CMTM7: variants seen among roughly 807,000 people sequenced by gnomAD.
CMTM7 encodes CKLF-like MARVEL transmembrane domain-containing protein 7.
Under a neutral mutation model 19.3 loss-of-function variants are expected in CMTM7, and 7 were observed. That is an observed-to-expected ratio of 0.36 (90% CI 0.21 to 0.68). CMTM7 has a LOEUF of 0.68. Ranked by LOEUF, CMTM7 falls within the 30% of genes least tolerant of loss-of-function variation. The pLI, the probability that CMTM7 is intolerant of heterozygous loss-of-function variation, is 0.60. For missense variants in CMTM7, 193 were observed against 232.6 expected (o/e 0.83, Z 1.11); for synonymous variants, 87 against 99.3 (o/e 0.88, Z 0.74).
intron 1 of CMTM7, among the ~76,000 whole-genome samples, chr3:32,393,867 T>C (rs1381095832): frequency 1.3e-5 from 2 of 152,024 alleles, no homozygotes; most frequent in East Asian, 3.9e-4. Context: ...TACTGGGAGA[T>C]GAGAAATCTC....
At chr3:32,404,588 C>A (rs762456972) in intron 1 of CMTM7, among the ~76,000 whole-genome samples, 2 of 152,210 alleles carry the variant, frequency 1.3e-5, no homozygotes, top group Non-Finnish European at 2.9e-5. Flanking sequence ...GTTGTGGAGC[C>A]AGCATTTGAA....
At chr3:32,435,352 G>A (rs113551169) in intron 1 of CMTM7, among the ~76,000 whole-genome samples, 4,934 of 152,254 alleles carry the variant, frequency 0.032, 121 homozygotes, top group Middle Eastern at 0.054. Context: ...TGCAGTGAGC[G>A]GAGCTTGTGC....
At chr3:32,428,650 TA>T (rs1332694512) in intron 1 of CMTM7, among the ~76,000 whole-genome samples, 3 of 152,238 alleles carry the variant, frequency 2.0e-5, no homozygotes, top group Non-Finnish European at 4.4e-5. Flanking sequence ...TCTGCTTACA[TA>T]ACATCTTTGT....
At chr3:32,398,421 C>A (rs1030790901) in intron 1 of CMTM7, among the ~76,000 whole-genome samples, 2 of 152,060 alleles carry the variant, frequency 1.3e-5, no homozygotes, top group African/African-American at 2.4e-5. Context: ...CTACTGTGAT[C>A]AGCTAACTAG....
intron 3 of CMTM7, chr3:32,451,982 C>A: frequency 2.3e-6 from 2 of 875,162 alleles, no homozygotes; most frequent in Non-Finnish European, 3.3e-6. Context: ...ATGCGAACAA[C>A]GCCACTACAC....
chr3:32,412,525 ACACACACACACACACT>A (rs1235009323), intron 1 of CMTM7, among the ~76,000 whole-genome samples: 5 of 72,938 alleles, frequency 6.9e-5, no homozygotes, highest in Non-Finnish European at 9.7e-5. Context: ...ACACACACAC[ACACACACACACACACT>A]GCATCATTAA....
At chr3:32,407,089 G>A (rs1336265859) in intron 1 of CMTM7, among the ~76,000 whole-genome samples, 2 of 152,204 alleles carry the variant, frequency 1.3e-5, no homozygotes, top group African/African-American at 4.8e-5. Flanking sequence ...GGGAGTCCCT[G>A]CTGGTATTCC....
In CMTM7 at chr3:32,454,679, C is replaced by T. The variant is rs926522747; in HGVS notation, c.*425C>T. 3.1e-5 allele frequency: 11 copies of T among 358,874 alleles called. No individual in the cohort carries two copies. Among genetic ancestry groups the T allele is most frequent in the African/African-American group, 1.1e-4 (5 of 46,942 alleles). 22.2% of individuals were successfully genotyped at this position (358,874 alleles called of 1,614,324 possible). ...TCCTAATTTATCTAGCTTGTCAGTCCGGTCTTAGAGATACCCTCTTTCCTG... is the reference window on the plus strand; with the variant it reads ...TCCTAATTTATCTAGCTTGTCAGTCTGGTCTTAGAGATACCCTCTTTCCTG... On this transcript the variant is annotated 3_prime_UTR_variant, in exon 5 of 5. Transcript: ENST00000334983.
intron 1 of CMTM7, among the ~76,000 whole-genome samples, chr3:32,435,669 A>T (rs1441570695): frequency 6.6e-6 from 1 of 152,198 alleles, no homozygotes; most frequent in Non-Finnish European, 1.5e-5. Flanking sequence ...GACCACCTAT[A>T]GGACAGCCAC....
At chr3:32,404,192 A>C in intron 1 of CMTM7, among the ~76,000 whole-genome samples, 3 of 119,454 alleles carry the variant, frequency 2.5e-5, no homozygotes, top group Admixed American at 1.0e-4. Flanking sequence ...ACAGAGTCTC[A>C]CTCTGTTGCC....
In CMTM7 at chr3:32,454,558, A is replaced by G. The variant is rs1207296758; in HGVS notation, c.*304A>G. 12 of 617,620 alleles carry G rather than the reference A, an allele frequency of 1.9e-5. No individual in the cohort carries two copies. The highest frequency in any genetic ancestry group is 3.6e-5 in the Non-Finnish European group (12 of 333,202). The allele number at this position is 617,620 out of a possible 1,614,324, so 38.3% of individuals were successfully genotyped here. On this transcript the variant is annotated 3_prime_UTR_variant, in exon 5 of 5. Transcript: ENST00000334983. ...ACCACCTCAGGTACTGATGAACCCC[A>G]CTTAGCACAGCTGAAGGGGTTTGTG...
At chr3:32,396,661 C>T (rs148351735) in intron 1 of CMTM7, among the ~76,000 whole-genome samples, 21 of 152,252 alleles carry the variant, frequency 1.4e-4, no homozygotes, top group African/African-American at 5.1e-4. Flanking sequence ...GGGCAAGGTG[C>T]TCTGCATGCA....
At chr3:32,405,526 C>G (rs181449515) in intron 1 of CMTM7, among the ~76,000 whole-genome samples, 1 of 152,334 alleles carries the variant, frequency 6.6e-6, no homozygotes, top group East Asian at 1.9e-4. Flanking sequence ...GCTCATTCAT[C>G]ATTACCATAT....
chr3:32,393,437 CA>C (rs1695869470), intron 1 of CMTM7, among the ~76,000 whole-genome samples: 1 of 152,166 alleles, frequency 6.6e-6, no homozygotes, highest in Admixed American at 6.5e-5. Context: ...TGGGGTGAGA[CA>C]TATCCTACCT....
chr3:32,429,285 T>A (rs1314141719), intron 1 of CMTM7, among the ~76,000 whole-genome samples: 1 of 145,976 alleles, frequency 6.9e-6, no homozygotes, highest in African/African-American at 2.5e-5. Context: ...TCTAAGCTTA[T>A]TGAGTAGTGT....
chr3:32,396,009 A>G (rs1030378801), intron 1 of CMTM7, among the ~76,000 whole-genome samples: 2 of 152,186 alleles, frequency 1.3e-5, no homozygotes, highest in African/African-American at 4.8e-5. Flanking sequence ...AACCATGAAA[A>G]CACTAAGCTG....
chr3:32,393,619 C>T (rs1695872314), intron 1 of CMTM7, among the ~76,000 whole-genome samples: 1 of 151,988 alleles, frequency 6.6e-6, no homozygotes, highest in South Asian at 2.1e-4. Context: ...AGCGAGACCC[C>T]ATCTCTACAA....
At chr3:32,419,641 A>G (rs1696315188) in intron 1 of CMTM7, among the ~76,000 whole-genome samples, 1 of 152,158 alleles carries the variant, frequency 6.6e-6, no homozygotes, top group African/African-American at 2.4e-5. Context: ...ATACGAATAT[A>G]TGGCTTTTCT....
At chr3:32,418,493 CA>C (rs1456423093) in intron 1 of CMTM7, among the ~76,000 whole-genome samples, 2 of 152,122 alleles carry the variant, frequency 1.3e-5, no homozygotes, top group African/African-American at 4.8e-5. Flanking sequence ...ATCCAAGTCA[CA>C]AAGATTTTCT....
Sources: allele counts gnomAD v4.1 joint callset (sites outside exome capture counted in the v4.1 genomes callset), GRCh38; gene constraint gnomAD v4.1.1; transcripts MANE v1.5; gene names NCBI Gene and HGNC (gene_info 2026-07-23, HGNC 2026-07-21).